The following RSRP1 variants were observed in gnomAD, a reference collection of about 807,000 sequenced individuals.
RSRP1 encodes the protein arginine/serine-rich protein 1.
RSRP1 carries 37 observed loss-of-function variants against 33.0 expected under a neutral mutation model. The observed-to-expected ratio is 1.12, with a 90% confidence interval of 0.86 to 1.48. RSRP1 has a LOEUF of 1.48. Ranked by LOEUF, RSRP1 falls within the 40% of genes most tolerant of loss-of-function variation. The probability of loss-of-function intolerance (pLI) is 0.00; values close to 1 mark genes in which losing one functional copy is unlikely to be tolerated. For missense variants in RSRP1, 402 were observed against 385.3 expected (o/e 1.04, Z -0.36); for synonymous variants, 167 against 158.7 (o/e 1.05, Z -0.40).
rs1557534404 is a variant in RSRP1 at position 25,295,851 on chromosome 1, T to TTTTTTTG, written c.-67+42126_-67+42127insCAAAAAA. On this transcript the variant is annotated intron_variant, in intron 1 of 1. Transcript: ENST00000561867. ...ATGGTCTGGGAGGGAATATGGGAAA[T>TTTTTTTG]TTTTTTTTTTTTTTTTTTTTTTTTT... 8.8e-5 allele frequency among the ~76,000 whole-genome samples: 3 copies of TTTTTTTG among 34,132 alleles called. 1 individual carries two copies. The highest frequency in any genetic ancestry group is 9.3e-5 in the Non-Finnish European group (1 of 10,720). 22.4% of individuals were successfully genotyped at this position (34,132 alleles called of 152,430 possible). A position where few individuals can be genotyped will look rare whatever the true frequency, so the allele number is the denominator to read the frequency against.
intron 1 of RSRP1, among the ~76,000 whole-genome samples, chr1:25,255,865 G>A (rs1639931446): frequency 6.6e-6 from 1 of 152,108 alleles, no homozygotes; most frequent in Non-Finnish European, 1.5e-5. Context: ...ACGAGAGGTG[G>A]AGCTCAGGCA....
At position 25,272,825 on chromosome 1, in the gene RSRP1, T is replaced by C. The variant is rs1226851141; in HGVS notation, c.-66-25796A>G. ...CAAGGAAAAAGATTCCCCCATCTTC[T>C]TCCGTAGATTGCACCGAAATTCAGC... On this transcript the variant is annotated intron_variant, in intron 1 of 1. Transcript: ENST00000561867. 2 of 1,149,334 alleles carry C rather than the reference T, an allele frequency of 1.7e-6. 1 individual carries two copies. Among genetic ancestry groups the C allele is most frequent in the Non-Finnish European group, 2.5e-6 (2 of 794,022 alleles). The allele number at this position is 1,149,334 out of a possible 1,614,324, so 71.2% of individuals were successfully genotyped here. A position where few individuals can be genotyped will look rare whatever the true frequency, so the allele number is the denominator to read the frequency against.
chr1:25,321,310 T>C (rs1228135306), intron 1 of RSRP1, among the ~76,000 whole-genome samples: 1 of 120,224 alleles, frequency 8.3e-6, no homozygotes, highest in Non-Finnish European at 1.9e-5. Context: ...GTGGCTCTCA[T>C]GTACTGCTCA....
chr1:25,262,319 C>T (rs1259574864), intron 1 of RSRP1, among the ~76,000 whole-genome samples: 1 of 152,110 alleles, frequency 6.6e-6, no homozygotes, highest in Non-Finnish European at 1.5e-5. Flanking sequence ...CAACTTTGAG[C>T]CTAAGATACA....
chr1:25,295,945 T>C lies in RSRP1; in HGVS notation c.-67+42033A>G, dbSNP rs1419321690. 1.0e-3 allele frequency among the ~76,000 whole-genome samples: 112 copies of C among 108,934 alleles called. 7 individuals carry two copies. The highest frequency in any genetic ancestry group is 5.1e-3 in the East Asian group (21 of 4,102). 71.5% of individuals were successfully genotyped at this position (108,934 alleles called of 152,430 possible). On this transcript the variant is annotated intron_variant, in intron 1 of 1. Transcript: ENST00000561867. The stretch of plus-strand genomic sequence containing the variant: ...TGTTGCAATCTTGGCTCACTGCAAC[T>C]TCTGCCTTCCAGGTTCAAGTGATTC...
At position 25,300,424 on chromosome 1, in the gene RSRP1, A is replaced by T. The variant is rs556068265; in HGVS notation, c.-67+37554T>A. ...CTACTCAGGAGGCTGAGGTGGGAGG[A>T]TTGCTTGAGCCTGGGAGTTGGAGAC... On this transcript the variant is annotated intron_variant, in intron 1 of 1. Coordinates refer to the RSRP1 transcript ENST00000561867. 1.0e-4 allele frequency among the ~76,000 whole-genome samples: 13 copies of T among 126,506 alleles called. 3 individuals are homozygous for T. The highest frequency in any genetic ancestry group is 1.5e-4 in the Non-Finnish European group (8 of 54,406). 83.0% of individuals were successfully genotyped at this position (126,506 alleles called of 152,430 possible).
rs1274676795 is a variant in RSRP1, at chr1:25,303,724, G to C, written c.-67+34254C>G. The stretch of plus-strand genomic sequence containing the variant: ...GCTACTGGGGTGTCACAGAACTCAA[G>C]GACAGGGACTGGAGTGTTGTGGGGA... On this transcript the variant is annotated intron_variant, in intron 1 of 1. Coordinates refer to the RSRP1 transcript ENST00000561867. Among the ~76,000 whole-genome samples, 2 of 131,764 alleles carry C rather than the reference G, an allele frequency of 1.5e-5. 1 individual carries two copies. Among genetic ancestry groups the C allele is most frequent in the Non-Finnish European group, 3.6e-5 (2 of 55,688 alleles). The allele number at this position is 131,764 out of a possible 152,430, so 86.4% of individuals were successfully genotyped here.
intron 1 of RSRP1, among the ~76,000 whole-genome samples, chr1:25,304,000 C>T (rs1246986664): frequency 1.2e-5 from 1 of 83,168 alleles, no homozygotes; most frequent in Non-Finnish European, 2.9e-5. Context: ...TGGCTGCTGC[C>T]GGGGAACCAC....
At chr1:25,248,349 C>CT (rs36069810), upstream of RSRP1, 791 of 88,058 alleles carry the variant, frequency 9.0e-3, 17 homozygotes, top group African/African-American at 0.023. Context: ...GGTTAATTGC[C>CT]TTTTTTTTTT....
chr1:25,299,072 TAAA>T (rs34867414), intron 1 of RSRP1, among the ~76,000 whole-genome samples: 1 of 40,876 alleles, frequency 2.4e-5, no homozygotes, highest in African/African-American at 7.8e-5. Flanking sequence ...CACATGGTGA[TAAA>T]AAAAAAAAAA....
intron 1 of RSRP1, among the ~76,000 whole-genome samples, chr1:25,264,102 T>C (rs1640246234): frequency 6.6e-6 from 1 of 151,978 alleles, no homozygotes; most frequent in Admixed American, 6.5e-5. Context: ...GCTGCTTTCA[T>C]GGGCTGGCAT....
chr1:25,331,725 G>A (rs1304666046), intron 1 of RSRP1, among the ~76,000 whole-genome samples: 1 of 106,006 alleles, frequency 9.4e-6, no homozygotes, highest in African/African-American at 3.1e-5. Flanking sequence ...CCGCCAAGAT[G>A]CCCAGCTAAT....
chr1:25,242,600 T>C lies in RSRP1; in HGVS notation c.862A>G (p.Ile288Val). The C allele has an allele frequency of 6.3e-7, 1 of 1,599,274 alleles. No homozygotes were observed. Among genetic ancestry groups the C allele is most frequent in the Non-Finnish European group, 8.5e-7 (1 of 1,169,980 alleles). ...TCAGTTTTCTTCTTTTAGATAGGTATCCACAGTCCATATGGACTTTTTTTC... is the reference window on the plus strand; with the variant it reads ...TCAGTTTTCTTCTTTTAGATAGGTACCCACAGTCCATATGGACTTTTTTTC... ...DQKKSPYGLW[I>V]PI The change falls in exon 5 of 5, where the codon ATA (isoleucine) becomes GTA (valine). Residue 288 changes from isoleucine (I) to valine (V), a missense_variant. By Grantham distance (29) the Ile-to-Val change is conservative. Transcript: ENST00000243189.
In RSRP1 at chr1:25,297,965, T is replaced by G. The variant is rs575827872; in HGVS notation, c.-67+40013A>C. On this transcript the variant is annotated intron_variant, in intron 1 of 1. Transcript: ENST00000561867. ...TCTGTGCTCTCCATCTTTTGGCTCT[T>G]ATTCTCTCCGTACATCTAACATCTC... 2.4e-4 allele frequency among the ~76,000 whole-genome samples: 31 copies of G among 131,166 alleles called. 3 individuals are homozygous for G. Among genetic ancestry groups the G allele is most frequent in the East Asian group, 7.8e-4 (4 of 5,118 alleles). 86.0% of individuals were successfully genotyped at this position (131,166 alleles called of 152,430 possible). A position where few individuals can be genotyped will look rare whatever the true frequency, so the allele number is the denominator to read the frequency against.
At chr1:25,244,920 G>A in intron 3 of RSRP1, 1 of 1,369,362 alleles carries the variant, frequency 7.3e-7, no homozygotes, top group Non-Finnish European at 9.5e-7. Context: ...CTGGACTCAA[G>A]CCATCTGCCT....
intron 1 of RSRP1, among the ~76,000 whole-genome samples, chr1:25,255,976 G>T (rs993542835): frequency 1.3e-5 from 2 of 152,072 alleles, no homozygotes; most frequent in African/African-American, 2.4e-5. Context: ...GGCCACAAAT[G>T]GGGGGTTGGA....
chr1:25,285,177 C>T (rs1262076040), intron 1 of RSRP1, among the ~76,000 whole-genome samples: 1 of 130,870 alleles, frequency 7.6e-6, no homozygotes, highest in African/African-American at 2.7e-5. Context: ...TTTTGTTGCC[C>T]AGGCTGGAGT....
At position 25,290,636 on chromosome 1, in the gene RSRP1, C is replaced by T. The variant is rs1642413441; in HGVS notation, c.-66-43607G>A. On this transcript the variant is annotated intron_variant, in intron 1 of 1. Transcript: ENST00000561867. ...AGTCGTCCTGGCTCTCCCTCTCTCCCCCAGTATTCGGCTGGCCACCATGAG... is the reference window on the plus strand; with the variant it reads ...AGTCGTCCTGGCTCTCCCTCTCTCCTCCAGTATTCGGCTGGCCACCATGAG... The T allele has an allele frequency of 5.1e-6, 7 of 1,376,426 alleles. 2 individuals are homozygous for T. The highest frequency in any genetic ancestry group is 7.2e-6 in the Non-Finnish European group (7 of 976,418). The allele number at this position is 1,376,426 out of a possible 1,614,324, so 85.3% of individuals were successfully genotyped here.
At chr1:25,256,478 A>G (rs1252747722) in intron 1 of RSRP1, among the ~76,000 whole-genome samples, 1 of 152,000 alleles carries the variant, frequency 6.6e-6, no homozygotes, top group Non-Finnish European at 1.5e-5. Flanking sequence ...CTGTTATTAG[A>G]CAGAGTCTCA....
Sources: gnomAD v4.1 joint callset for allele counts (sites outside exome capture counted in the v4.1 genomes callset) on GRCh38, gnomAD v4.1.1 for gene constraint, MANE v1.5 for transcripts, NCBI Gene and HGNC (gene_info 2026-07-23, HGNC 2026-07-21) for gene names.